PTPRM: variants seen among roughly 807,000 people sequenced by gnomAD.
PTPRM encodes the protein receptor-type tyrosine-protein phosphatase mu.
Under a neutral mutation model 186.7 loss-of-function variants are expected in PTPRM, and 47 were observed. That is an observed-to-expected ratio of 0.25 (90% CI 0.20 to 0.32). PTPRM has a LOEUF of 0.32. Ranked by LOEUF, PTPRM falls within the 10% of genes least tolerant of loss-of-function variation. The pLI is 1.00. For synonymous variants in PTPRM, 668 were observed against 674.9 expected, an observed-to-expected ratio of 0.99 and a Z score of 0.16; for missense variants, 1,494 against 1,865.0, an observed-to-expected ratio of 0.80 and a Z score of 3.66.
intron 2 of PTPRM, among the ~76,000 whole-genome samples, chr18:7,854,934 AC>A: frequency 6.6e-6 from 1 of 152,150 alleles, no homozygotes; most frequent in Admixed American, 6.5e-5. Flanking sequence ...TTATCATTTT[AC>A]TGCATATCCT....
intron 1 of PTPRM, among the ~76,000 whole-genome samples, chr18:7,612,446 C>G (rs2143865691): frequency 6.6e-6 from 1 of 152,266 alleles, no homozygotes. Context: ...AGATTTATCG[C>G]ACTTTCTATG....
At chr18:8,013,272 C>T (rs912586839) in intron 7 of PTPRM, among the ~76,000 whole-genome samples, 1 of 152,158 alleles carries the variant, frequency 6.6e-6, no homozygotes, top group Non-Finnish European at 1.5e-5. Context: ...AACCCTTGAA[C>T]AGTGTAGGGG....
At chr18:7,976,619 A>G (rs1024569175) in intron 7 of PTPRM, among the ~76,000 whole-genome samples, 3 of 152,192 alleles carry the variant, frequency 2.0e-5, no homozygotes, top group Admixed American at 2.0e-4. Flanking sequence ...TTTATGAAAA[A>G]AAAAGAGCCT....
At chr18:7,941,400 A>G (rs74669651) in intron 5 of PTPRM, among the ~76,000 whole-genome samples, 1 of 152,252 alleles carries the variant, frequency 6.6e-6, no homozygotes, top group African/African-American at 2.4e-5. Context: ...CACAATTGTT[A>G]TGTATGTTTT....
chr18:8,085,656 C>T lies in PTPRM; in HGVS notation c.1552-15C>T. The T allele has an allele frequency of 1.3e-6, 2 of 1,569,990 alleles. No homozygotes were observed. Among genetic ancestry groups the T allele is most frequent in the Non-Finnish European group, 1.8e-6 (2 of 1,140,218 alleles). ...TCTGCTCCAGATATTTTATCACTTTCTCATTCTTTTGCAGATCACCTACAA... is the reference window on the plus strand; with the variant it reads ...TCTGCTCCAGATATTTTATCACTTTTTCATTCTTTTGCAGATCACCTACAA... On this transcript the variant is annotated splice_polypyrimidine_tract_variant and intron_variant, in intron 9 of 32. Coordinates refer to ENST00000580170, the MANE Select transcript of PTPRM (RefSeq NM_001105244.2).
At chr18:8,175,900 T>G (rs1011475904) in intron 14 of PTPRM, among the ~76,000 whole-genome samples, 12 of 152,226 alleles carry the variant, frequency 7.9e-5, no homozygotes, top group Non-Finnish European at 1.3e-4. Flanking sequence ...ATGAACTGTC[T>G]GCCCCATGCT....
intron 7 of PTPRM, among the ~76,000 whole-genome samples, chr18:8,057,422 CTTCTTTT>C (rs1436980649): frequency 8.2e-5 from 7 of 85,184 alleles, no homozygotes; most frequent in Admixed American, 5.8e-4. Flanking sequence ...TACTGTGATA[CTTCTTTT>C]TTTTTTTTTT....
intron 2 of PTPRM, among the ~76,000 whole-genome samples, chr18:7,796,641 G>A (rs2043669055): frequency 6.6e-6 from 1 of 152,194 alleles, no homozygotes; most frequent in African/African-American, 2.4e-5. Flanking sequence ...GGCTCTTCAA[G>A]TCCACCAGAC....
At chr18:7,985,803 T>C (rs1030860727) in intron 7 of PTPRM, among the ~76,000 whole-genome samples, 1 of 152,056 alleles carries the variant, frequency 6.6e-6, no homozygotes. Flanking sequence ...TTATTGATGA[T>C]AGTCACCCTG....
chr18:7,783,748 T>TTGTGTG (rs60314284), intron 2 of PTPRM, among the ~76,000 whole-genome samples: 1,647 of 146,692 alleles, frequency 0.011, 17 homozygotes, highest in East Asian at 0.028. Flanking sequence ...ATTTTTAATT[T>TTGTGTG]TGTGTGTGTG....
intron 7 of PTPRM, among the ~76,000 whole-genome samples, chr18:7,999,349 G>A (rs924321767): frequency 3.9e-5 from 6 of 152,234 alleles, no homozygotes; most frequent in African/African-American, 1.4e-4. Context: ...AGATGACATG[G>A]AGTGAGACAG....
chr18:8,108,549 A>G (rs1374614552), intron 11 of PTPRM, among the ~76,000 whole-genome samples: 1 of 152,216 alleles, frequency 6.6e-6, no homozygotes, highest in East Asian at 1.9e-4. Context: ...CTCTCCAGGA[A>G]CTCGAAAGTT....
intron 14 of PTPRM, among the ~76,000 whole-genome samples, chr18:8,151,515 A>G (rs1555774387): frequency 8.2e-6 from 1 of 121,612 alleles, no homozygotes; most frequent in Non-Finnish European, 1.7e-5. Flanking sequence ...TCTCAGGTCA[A>G]TCTCAGACTA....
intron 3 of PTPRM, among the ~76,000 whole-genome samples, chr18:7,896,902 C>G (rs533707013): frequency 6.6e-6 from 1 of 152,318 alleles, no homozygotes; most frequent in South Asian, 2.1e-4. Context: ...ACTTTATTCC[C>G]CTGCACAGCT....
rs1386719391 is a variant in PTPRM, at chr18:8,045,282, A to G, written c.1133-24404A>G. ...AGGATCACTTGAGCCTGGGAGGCGG[A>G]GGTTGCAGTCAGCTGTGATCGCACC... On this transcript the variant is annotated intron_variant, in intron 7 of 32. Coordinates refer to ENST00000580170, the MANE Select transcript of PTPRM (RefSeq NM_001105244.2). 1.6e-4 allele frequency among the ~76,000 whole-genome samples: 24 copies of G among 152,306 alleles called. No homozygotes were observed. The East Asian group carries it at 2.9e-3, about 18-fold the overall frequency.
At chr18:7,952,728 G>A (rs543136375) in intron 6 of PTPRM, among the ~76,000 whole-genome samples, 49 of 151,882 alleles carry the variant, frequency 3.2e-4, no homozygotes, top group Non-Finnish European at 5.3e-4. Context: ...AATGTTGGCC[G>A]GGCGTGGTGG....
At chr18:8,040,419 T>C (rs576518060) in intron 7 of PTPRM, among the ~76,000 whole-genome samples, 16 of 152,110 alleles carry the variant, frequency 1.1e-4, no homozygotes, top group Non-Finnish European at 1.8e-4. Flanking sequence ...ATTATTAAAG[T>C]TATGTGTCAA....
At chr18:7,815,447 T>C (rs2044761037) in intron 2 of PTPRM, 1 of 152,236 alleles carries the variant, frequency 6.6e-6, no homozygotes, top group Admixed American at 6.5e-5. Flanking sequence ...AATAAAGTGA[T>C]ACATTTGGTT....
intron 14 of PTPRM, among the ~76,000 whole-genome samples, chr18:8,219,804 G>A (rs891257994): frequency 2.0e-5 from 3 of 152,164 alleles, no homozygotes; most frequent in African/African-American, 7.2e-5. Context: ...GTCAGAGTCA[G>A]CCACAATATG....
Sources: gnomAD v4.1 joint callset for allele counts (sites outside exome capture counted in the v4.1 genomes callset) on GRCh38, gnomAD v4.1.1 for gene constraint, MANE v1.5 for transcripts, NCBI Gene and HGNC (gene_info 2026-07-23, HGNC 2026-07-21) for gene names.